Variants in NEGR1 observed in about 807,000 individuals in gnomAD.
NEGR1 encodes neuronal growth regulator 1.
A neutral mutation model predicts 40.9 loss-of-function variants in NEGR1; 10 were observed. That is an observed-to-expected ratio of 0.24 (90% CI 0.15 to 0.42). The LOEUF (loss-of-function observed/expected upper bound fraction) is 0.42. NEGR1 is among the 10% of genes least tolerant of loss of function. The probability of loss-of-function intolerance (pLI) is 1.00; values close to 1 mark genes in which losing one functional copy is unlikely to be tolerated. For synonymous variants in NEGR1, 185 were observed against 166.8 expected (o/e 1.11, Z -0.84); for missense variants, 352 against 438.9 (o/e 0.80, Z 1.77).
intron 1 of NEGR1, among the ~76,000 whole-genome samples, chr1:71,966,114 T>C (rs574375258): frequency 5.0e-4 from 76 of 152,320 alleles, no homozygotes; most frequent in African/African-American, 1.7e-3. Flanking sequence ...TACTAGTAGA[T>C]TCTAGGCATA....
At chr1:71,806,953 C>T (rs578061868) in intron 2 of NEGR1, among the ~76,000 whole-genome samples, 3 of 139,914 alleles carry the variant, frequency 2.1e-5, no homozygotes, top group Admixed American at 8.0e-5. Flanking sequence ...AGTGCAGTGG[C>T]GTGATCTCCG....
At chr1:71,443,992 A>G (rs565703338) in intron 6 of NEGR1, among the ~76,000 whole-genome samples, 4 of 152,320 alleles carry the variant, frequency 2.6e-5, no homozygotes, top group African/African-American at 9.6e-5. Flanking sequence ...ATTGATTTAT[A>G]TGATTCTTTA....
At chr1:71,460,932 C>T (rs544094099) in intron 6 of NEGR1, among the ~76,000 whole-genome samples, 2 of 151,440 alleles carry the variant, frequency 1.3e-5, no homozygotes, top group African/African-American at 4.9e-5. Flanking sequence ...CAGTTATATA[C>T]TTCAAAAAAA....
chr1:71,465,296 C>T (rs1646738151), intron 6 of NEGR1, among the ~76,000 whole-genome samples: 1 of 152,100 alleles, frequency 6.6e-6, no homozygotes, highest in African/African-American at 2.4e-5. Flanking sequence ...ATATGACAGT[C>T]TCTGCCTTGA....
At chr1:71,690,619 C>CAG (rs59019409) in intron 4 of NEGR1, among the ~76,000 whole-genome samples, 1,282 of 67,628 alleles carry the variant, frequency 0.019, 61 homozygotes, top group African/African-American at 0.028. Flanking sequence ...TAGAGGGAGA[C>CAG]AGAGAGAGAG....
intron 2 of NEGR1, among the ~76,000 whole-genome samples, chr1:71,845,839 A>G (rs1032429447): frequency 3.3e-5 from 5 of 151,614 alleles, no homozygotes; most frequent in Non-Finnish European, 7.4e-5. Context: ...AGCTCACTGC[A>G]GCCTCAAACT....
chr1:72,216,080 C>T (rs1277373968), intron 1 of NEGR1, among the ~76,000 whole-genome samples: 1 of 151,532 alleles, frequency 6.6e-6, no homozygotes, highest in Non-Finnish European at 1.5e-5. Context: ...AAGCTGGAAG[C>T]CATCATTCTC....
At chr1:71,918,560 G>C (rs541567967) in intron 2 of NEGR1, among the ~76,000 whole-genome samples, 1 of 152,078 alleles carries the variant, frequency 6.6e-6, no homozygotes, top group Non-Finnish European at 1.5e-5. Flanking sequence ...CAGACTTAAA[G>C]TAACTATTCC....
intron 4 of NEGR1, among the ~76,000 whole-genome samples, chr1:71,611,912 A>G (rs139934480): frequency 2.0e-5 from 3 of 152,226 alleles, no homozygotes; most frequent in African/African-American, 7.2e-5. Flanking sequence ...TCAACTTTCT[A>G]TCATGTATTG....
At chr1:72,028,529 C>A (rs1235272812) in intron 1 of NEGR1, among the ~76,000 whole-genome samples, 1 of 152,160 alleles carries the variant, frequency 6.6e-6, no homozygotes, top group African/African-American at 2.4e-5. Flanking sequence ...TCTTCTCACC[C>A]CTACCTACCT....
chr1:72,132,013 C>T (rs991502676), intron 1 of NEGR1, among the ~76,000 whole-genome samples: 2 of 152,058 alleles, frequency 1.3e-5, no homozygotes, highest in Non-Finnish European at 2.9e-5. Context: ...GCAGGAGAAT[C>T]GCTTTAACTT....
chr1:72,280,576 T>A (rs2100571251), intron 1 of NEGR1, among the ~76,000 whole-genome samples: 1 of 152,338 alleles, frequency 6.6e-6, no homozygotes, highest in Non-Finnish European at 1.5e-5. Context: ...AATTTATCAC[T>A]GTTACCAACA....
rs57483006 is a variant in NEGR1 at position 71,688,403 on chromosome 1, T to TAAAAAAGATATATATAA, written c.667+9604_667+9605insTTATATATATCTTTTTT. 3.7e-4 allele frequency among the ~76,000 whole-genome samples: 11 copies of TAAAAAAGATATATATAA among 30,136 alleles called. 1 individual carries two copies. Among genetic ancestry groups the TAAAAAAGATATATATAA allele is most frequent in the East Asian group, 2.0e-3 (3 of 1,482 alleles). The allele number at this position is 30,136 out of a possible 152,430, so 19.8% of individuals were successfully genotyped here. A position where few individuals can be genotyped will look rare whatever the true frequency, so the allele number is the denominator to read the frequency against. ...ATAAAAGATATATAAAATATATATA[T>TAAAAAAGATATATATAA]AAGATATATATAAAAGATATATATA... On this transcript the variant is annotated intron_variant, in intron 4 of 6. Coordinates refer to ENST00000357731, the MANE Select transcript of NEGR1 (RefSeq NM_173808.3).
intron 2 of NEGR1, among the ~76,000 whole-genome samples, chr1:71,851,447 T>TAA (rs1659598008): frequency 6.6e-6 from 1 of 152,226 alleles, no homozygotes; most frequent in Non-Finnish European, 1.5e-5. Context: ...AAATTATTTT[T>TAA]ACTACAGTTA....
intron 6 of NEGR1, among the ~76,000 whole-genome samples, chr1:71,464,174 G>A (rs551070017): frequency 1.3e-4 from 20 of 152,200 alleles, no homozygotes; most frequent in African/African-American, 4.6e-4. Flanking sequence ...GGGGAAAAAA[G>A]TATCTGAAGT....
At chr1:71,729,860 T>G (rs938513891) in intron 3 of NEGR1, among the ~76,000 whole-genome samples, 15 of 151,320 alleles carry the variant, frequency 9.9e-5, no homozygotes, top group South Asian at 4.2e-4. Flanking sequence ...TTTTTTTTTT[T>G]GTAAAGATGG....
chr1:72,030,881 C>T (rs1003570328), intron 1 of NEGR1, among the ~76,000 whole-genome samples: 2 of 152,000 alleles, frequency 1.3e-5, no homozygotes, highest in Non-Finnish European at 2.9e-5. Flanking sequence ...ATTGAACTTA[C>T]ACATGGAAAA....
chr1:72,268,428 C>T (rs1012223285), intron 1 of NEGR1, among the ~76,000 whole-genome samples: 4 of 151,442 alleles, frequency 2.6e-5, no homozygotes, highest in Non-Finnish European at 5.9e-5. Flanking sequence ...GAAATCCGCA[C>T]GTAAGTTTTT....
chr1:72,161,574 T>C (rs1173427831), intron 1 of NEGR1, among the ~76,000 whole-genome samples: 1 of 152,030 alleles, frequency 6.6e-6, no homozygotes, highest in Non-Finnish European at 1.5e-5. Context: ...GGACAAATGT[T>C]GTGAAACCCT....
Sources: allele counts gnomAD v4.1 joint callset (sites outside exome capture counted in the v4.1 genomes callset), GRCh38; gene constraint gnomAD v4.1.1; transcripts MANE v1.5; gene names NCBI Gene and HGNC (gene_info 2026-07-23, HGNC 2026-07-21).